CDK14: variants seen among roughly 807,000 people sequenced by gnomAD.
The protein encoded by CDK14 is cyclin-dependent kinase 14.
A neutral mutation model predicts 60.7 loss-of-function variants in CDK14; 34 were observed. The ratio of observed to expected loss-of-function variants is 0.56; its 90% CI spans 0.43 to 0.75. The LOEUF (loss-of-function observed/expected upper bound fraction) is 0.75. Among genes scored for constraint, CDK14 ranks in the 30% least tolerant of loss-of-function variants. The pLI is 0.00. For missense variants in CDK14, 482 were observed against 564.1 expected, an observed-to-expected ratio of 0.85 and a Z score of 1.47; for synonymous variants, 197 against 203.7, an observed-to-expected ratio of 0.97 and a Z score of 0.28.
intron 10 of CDK14, among the ~76,000 whole-genome samples, chr7:91,001,038 A>G (rs894855298): frequency 6.6e-6 from 1 of 152,172 alleles, no homozygotes; most frequent in East Asian, 1.9e-4. Context: ...TGTTATTGTT[A>G]CTGTTTTTTT....
intron 5 of CDK14, among the ~76,000 whole-genome samples, chr7:90,846,397 G>T (rs192122995): frequency 7.4e-4 from 112 of 152,238 alleles, no homozygotes; most frequent in African/African-American, 2.6e-3. Context: ...CACTTAAGAG[G>T]AGTAGTTTTG....
At chr7:90,676,195 G>C (rs1333309346) in intron 2 of CDK14, among the ~76,000 whole-genome samples, 1 of 152,196 alleles carries the variant, frequency 6.6e-6, no homozygotes, top group African/African-American at 2.4e-5. Flanking sequence ...AGTCTAAATA[G>C]TATGTTACAT....
At chr7:91,014,508 TACCA>T (rs1418997324) in intron 10 of CDK14, among the ~76,000 whole-genome samples, 2 of 152,188 alleles carry the variant, frequency 1.3e-5, no homozygotes, top group African/African-American at 4.8e-5. Context: ...AGTTTAGAGT[TACCA>T]ACTATAAAAC....
At chr7:90,846,337 T>C (rs984291858) in intron 5 of CDK14, among the ~76,000 whole-genome samples, 1 of 152,222 alleles carries the variant, frequency 6.6e-6, no homozygotes, top group African/African-American at 2.4e-5. Flanking sequence ...TACACTCTCA[T>C]GCACTTACAA....
intron 2 of CDK14, among the ~76,000 whole-genome samples, chr7:90,653,369 A>G (rs1800686702): frequency 6.6e-6 from 1 of 152,068 alleles, no homozygotes; most frequent in Admixed American, 6.6e-5. Flanking sequence ...ATTAACAGCT[A>G]TATAATCAGA....
chr7:90,796,741 T>C (rs1788450462), intron 5 of CDK14, among the ~76,000 whole-genome samples: 1 of 150,448 alleles, frequency 6.6e-6, no homozygotes. Flanking sequence ...ATTTGGGTTT[T>C]AGGGATTTTG....
intron 4 of CDK14, among the ~76,000 whole-genome samples, chr7:90,755,004 A>G (rs1226258826): frequency 1.3e-5 from 2 of 152,156 alleles, no homozygotes; most frequent in South Asian, 2.1e-4. Context: ...ACGCTTATAC[A>G]CTGCTGGTGA....
Position 90,971,096 on chromosome 7 carries a change from C to T in CDK14, c.948-13052C>T, listed in dbSNP as rs531418587. ...GCTCCCCCCACCCCACAACAGTCCC[C>T]GGTGTGTGTCCATGTGTTCTCATTG... On this transcript the variant is annotated intron_variant, in intron 9 of 14. Transcript: ENST00000380050. Among the ~76,000 whole-genome samples, 228 of 151,902 alleles carry T rather than the reference C, an allele frequency of 1.5e-3. 1 individual carries two copies. Among genetic ancestry groups the T allele is most frequent in the Non-Finnish European group, 2.8e-3 (188 of 67,996 alleles).
chr7:90,911,993 C>CA (rs1004035608), intron 7 of CDK14, among the ~76,000 whole-genome samples: 6 of 152,110 alleles, frequency 3.9e-5, no homozygotes, highest in African/African-American at 1.4e-4. Context: ...CTGCTGCTGG[C>CA]AAAAATGTCC....
At chr7:91,067,603 C>T (rs1798018588) in intron 11 of CDK14, among the ~76,000 whole-genome samples, 2 of 152,146 alleles carry the variant, frequency 1.3e-5, no homozygotes, top group African/African-American at 2.4e-5. Context: ...TTTTATGTGC[C>T]CATTGCCCAA....
intron 10 of CDK14, among the ~76,000 whole-genome samples, chr7:90,984,687 G>T (rs1053702269): frequency 2.6e-5 from 4 of 152,124 alleles, no homozygotes; most frequent in Non-Finnish European, 5.9e-5. Flanking sequence ...CAGTACTTCC[G>T]TCAGGTTTTC....
intron 5 of CDK14, among the ~76,000 whole-genome samples, chr7:90,808,907 A>G (rs1485490432): frequency 1.3e-5 from 2 of 152,220 alleles, no homozygotes; most frequent in African/African-American, 2.4e-5. Flanking sequence ...GATCAATTCA[A>G]CAAGAAGAGC....
chr7:90,736,276 GC>G (rs1450165339), intron 3 of CDK14, among the ~76,000 whole-genome samples: 3 of 149,206 alleles, frequency 2.0e-5, no homozygotes, highest in Non-Finnish European at 4.4e-5. Flanking sequence ...TGGCCATCTT[GC>G]CAGCAAATCC....
chr7:90,741,357 G>A (rs1353978704), intron 3 of CDK14, among the ~76,000 whole-genome samples: 1 of 152,074 alleles, frequency 6.6e-6, no homozygotes, highest in African/African-American at 2.4e-5. Flanking sequence ...ACAGCTTTAG[G>A]CTACCTTGTG....
chr7:90,751,251 C>T (rs916915887), intron 4 of CDK14, among the ~76,000 whole-genome samples: 2 of 151,512 alleles, frequency 1.3e-5, no homozygotes, highest in African/African-American at 4.9e-5. Context: ...AAGGTCAATG[C>T]TAAAGAAAAA....
At chr7:91,032,466 G>T (rs1796788354) in intron 10 of CDK14, among the ~76,000 whole-genome samples, 1 of 152,170 alleles carries the variant, frequency 6.6e-6, no homozygotes, top group African/African-American at 2.4e-5. Context: ...TAAGTTGAGG[G>T]TCGTGAAATG....
At chr7:90,933,864 C>CA (rs34120978) in intron 8 of CDK14, among the ~76,000 whole-genome samples, 1 of 152,196 alleles carries the variant, frequency 6.6e-6, no homozygotes, top group African/African-American at 2.4e-5. Context: ...ATGTGGACAG[C>CA]AAAGCTGGAG....
At chr7:90,597,560 A>G (rs930859628) in intron 1 of CDK14, among the ~76,000 whole-genome samples, 13 of 152,218 alleles carry the variant, frequency 8.5e-5, no homozygotes, top group African/African-American at 2.9e-4. Flanking sequence ...ACTTTCACTA[A>G]TAACATGTAA....
intron 10 of CDK14, among the ~76,000 whole-genome samples, chr7:90,987,353 G>A (rs969739053): frequency 5.9e-5 from 9 of 151,906 alleles, no homozygotes; most frequent in African/African-American, 2.2e-4. Context: ...ACCCTCAAAT[G>A]CAGATAAGCA....
Sources: gnomAD v4.1 joint callset for allele counts (sites outside exome capture counted in the v4.1 genomes callset) on GRCh38, gnomAD v4.1.1 for gene constraint, MANE v1.5 for transcripts, NCBI Gene and HGNC (gene_info 2026-07-23, HGNC 2026-07-21) for gene names.